SUCLG2: variants seen among roughly 807,000 people sequenced by gnomAD.
SUCLG2 encodes succinate-CoA ligase GDP-forming subunit beta, also known as succinate--CoA ligase [GDP-forming] subunit beta, mitochondrial.
SUCLG2 carries 42 observed loss-of-function variants against 47.9 expected under a neutral mutation model. The observed-to-expected ratio is 0.88, with a 90% confidence interval of 0.69 to 1.14. The LOEUF (loss-of-function observed/expected upper bound fraction) is 1.14, where lower values mean the gene tolerates loss of function less well. Among genes scored for constraint, SUCLG2 ranks in the 50% most tolerant of loss-of-function variants. The probability of loss-of-function intolerance (pLI) is 0.00; values close to 1 mark genes in which losing one functional copy is unlikely to be tolerated. For missense variants in SUCLG2, 571 were observed against 525.9 expected, an observed-to-expected ratio of 1.09 and a Z score of -0.84; for synonymous variants, 195 against 197.3, an observed-to-expected ratio of 0.99 and a Z score of 0.10.
intron 2 of SUCLG2, among the ~76,000 whole-genome samples, chr3:67,596,450 A>G (rs1402976511): frequency 6.6e-6 from 1 of 152,240 alleles, no homozygotes; most frequent in East Asian, 1.9e-4. Flanking sequence ...TATATTTAAT[A>G]ATGAGTCAGA....
intron 7 of SUCLG2, among the ~76,000 whole-genome samples, chr3:67,502,371 C>A (rs533047146): frequency 1.3e-5 from 2 of 152,316 alleles, no homozygotes; most frequent in Admixed American, 6.5e-5. Flanking sequence ...TTTCCTTGAA[C>A]CTGACCACTT....
chr3:67,585,859 TG>T (rs1242055550), intron 2 of SUCLG2, among the ~76,000 whole-genome samples: 4 of 148,070 alleles, frequency 2.7e-5, no homozygotes, highest in African/African-American at 1.0e-4. Flanking sequence ...TCCAGCTACT[TG>T]GGAGGCTGAG....
At chr3:67,488,749 G>C (rs1176892258) in intron 9 of SUCLG2, among the ~76,000 whole-genome samples, 1 of 152,040 alleles carries the variant, frequency 6.6e-6, no homozygotes, top group Non-Finnish European at 1.5e-5. Flanking sequence ...ATAACATTAA[G>C]GAAAACAACA....
intron 9 of SUCLG2, among the ~76,000 whole-genome samples, chr3:67,440,734 A>G (rs559402136): frequency 2.6e-5 from 4 of 152,176 alleles, no homozygotes; most frequent in African/African-American, 7.2e-5. Flanking sequence ...AACAACAGAT[A>G]CTGGAGAGGA....
intron 4 of SUCLG2, among the ~76,000 whole-genome samples, chr3:67,522,944 A>G (rs942609192): frequency 1.1e-4 from 16 of 151,624 alleles, no homozygotes; most frequent in Admixed American, 2.6e-4. Flanking sequence ...GATTACAGGC[A>G]TGAGCCACCG....
At chr3:67,381,059 C>T (rs968638287) in intron 10 of SUCLG2, among the ~76,000 whole-genome samples, 8 of 152,084 alleles carry the variant, frequency 5.3e-5, no homozygotes, top group Non-Finnish European at 1.2e-4. Flanking sequence ...GGCCTGTAGT[C>T]CCAGCTACTC....
intron 1 of SUCLG2, among the ~76,000 whole-genome samples, chr3:67,627,517 G>A (rs1700854340): frequency 6.6e-6 from 1 of 152,194 alleles, no homozygotes; most frequent in Admixed American, 6.5e-5. Flanking sequence ...TGCCAGTTAT[G>A]AAGTTATTTT....
At chr3:67,653,547 G>C (rs1701324981) in intron 1 of SUCLG2, among the ~76,000 whole-genome samples, 1 of 152,168 alleles carries the variant, frequency 6.6e-6, no homozygotes, top group African/African-American at 2.4e-5. Context: ...ACTATACTAT[G>C]CACATCCTGG....
At chr3:67,482,182 AGAAG>A (rs146705714) in intron 9 of SUCLG2, among the ~76,000 whole-genome samples, 121 of 151,756 alleles carry the variant, frequency 8.0e-4, no homozygotes, top group East Asian at 4.0e-4. Flanking sequence ...TATCTCAATA[AGAAG>A]GAAGGAAGGA....
downstream of SUCLG2, among the ~76,000 whole-genome samples, chr3:67,373,368 A>G (rs1701978582): frequency 6.6e-6 from 1 of 152,150 alleles, no homozygotes; most frequent in Non-Finnish European, 1.5e-5. Flanking sequence ...CAATTAAATC[A>G]TTTATGTGAT....
intron 2 of SUCLG2, among the ~76,000 whole-genome samples, chr3:67,558,351 C>T (rs538682626): frequency 6.7e-5 from 10 of 148,916 alleles, no homozygotes; most frequent in African/African-American, 2.2e-4. Flanking sequence ...AAAAAAAATA[C>T]GGTTTACATG....
chr3:67,465,197 G>C (rs753389440), intron 9 of SUCLG2, among the ~76,000 whole-genome samples: 1 of 152,092 alleles, frequency 6.6e-6, no homozygotes, highest in South Asian at 2.1e-4. Context: ...TCCTATCTTT[G>C]TCTAAGATTT....
At chr3:67,491,527 G>A (rs9859605) in intron 9 of SUCLG2, among the ~76,000 whole-genome samples, 2 of 151,954 alleles carry the variant, frequency 1.3e-5, no homozygotes, top group South Asian at 4.1e-4. Context: ...ACCACGCCTG[G>A]CTAATTTTTG....
At chr3:67,372,422 T>A (rs1701967562), downstream of SUCLG2, among the ~76,000 whole-genome samples, 1 of 152,130 alleles carries the variant, frequency 6.6e-6, no homozygotes, top group Non-Finnish European at 1.5e-5. Context: ...CTTTAGTCTT[T>A]CCAAGACTAA....
chr3:67,613,077 C>T (rs1175700523), intron 1 of SUCLG2, among the ~76,000 whole-genome samples: 2 of 152,188 alleles, frequency 1.3e-5, no homozygotes, highest in African/African-American at 2.4e-5. Flanking sequence ...GCAATCTGGA[C>T]ACTCTCCAAA....
intron 10 of SUCLG2, among the ~76,000 whole-genome samples, chr3:67,393,416 T>A (rs1446984858): frequency 2.0e-5 from 3 of 152,200 alleles, no homozygotes; most frequent in Non-Finnish European, 4.4e-5. Flanking sequence ...GTCTCACTGA[T>A]TGCTAGCACA....
chr3:67,373,216 AT>A (rs1701976481), downstream of SUCLG2, among the ~76,000 whole-genome samples: 5 of 152,120 alleles, frequency 3.3e-5, no homozygotes, highest in South Asian at 8.3e-4. Flanking sequence ...ATTCCTTCTA[AT>A]TTTTATCAAG....
In SUCLG2 at chr3:67,499,801, G is replaced by A. The variant is rs371707428; in HGVS notation, c.758-1506C>T. On this transcript the variant is annotated intron_variant, in intron 7 of 10. Coordinates refer to ENST00000307227, the MANE Select transcript of SUCLG2 (RefSeq NM_003848.4). ...GGCTGGAGTGCAGTGGCGCAATCTC[G>A]GCTCACTATAACCTCCACCTCCCAG... Among the ~76,000 whole-genome samples, 41 of 151,966 alleles carry A rather than the reference G, an allele frequency of 2.7e-4. No homozygotes were observed. In the Middle Eastern group the frequency reaches 0.01, roughly 38 times the overall value.
At chr3:67,417,012 G>C (rs1197271323) in intron 9 of SUCLG2, among the ~76,000 whole-genome samples, 1 of 149,370 alleles carries the variant, frequency 6.7e-6, no homozygotes, top group Non-Finnish European at 1.5e-5. Context: ...GTGAAGTGAA[G>C]AAAAAAAAGA....
Sources: allele counts gnomAD v4.1 joint callset (sites outside exome capture counted in the v4.1 genomes callset), GRCh38; gene constraint gnomAD v4.1.1; transcripts MANE v1.5; gene names NCBI Gene and HGNC (gene_info 2026-07-23, HGNC 2026-07-21).